Variants in CORO7 observed in about 807,000 individuals in gnomAD.
CORO7 encodes the protein coronin 7.
CORO7 carries 107 observed loss-of-function variants against 126.6 expected under a neutral mutation model. The ratio of observed to expected loss-of-function variants is 0.85; its 90% confidence interval spans 0.72 to 0.99. CORO7 has a LOEUF of 0.99. Ranked by LOEUF, CORO7 falls within the 50% of genes least tolerant of loss-of-function variation. CORO7 has a pLI of 0.00. For missense variants in CORO7, 1,314 were observed against 1,255.8 expected (o/e 1.05, Z -0.70); for synonymous variants, 603 against 536.8 (o/e 1.12, Z -1.70).
At chr16:4,390,484 G>C (rs575883063) in intron 7 of CORO7, among the ~76,000 whole-genome samples, 51 of 152,328 alleles carry the variant, frequency 3.3e-4, no homozygotes, top group Non-Finnish European at 6.9e-4. Context: ...TTCCTGCTAG[G>C]CTGGGAGGGT....
At chr16:4,358,848 T>C (rs977292421) in intron 23 of CORO7, 2 of 281,528 alleles carry the variant, frequency 7.1e-6, no homozygotes, top group African/African-American at 4.4e-5. Context: ...ATAAATTAAT[T>C]AGAAGTGATA....
In CORO7 at chr16:4,395,297, C is replaced by A. The variant is rs909975111; in HGVS notation, c.607G>T (p.Ala203Ser). The A allele has an allele frequency of 9.9e-6, 16 of 1,613,958 alleles. No individual in the cohort carries two copies. The highest frequency in any genetic ancestry group is 1.3e-5 in the Non-Finnish European group (15 of 1,180,020). ...TTGCCCACACAACTCACCTGAGAGG[C>A]CCGCGGCTTTGTTCTGGGGTCAAAG... Reference protein sequence around the residue: ...RIFDPRTKPRASQSTQAHENS... With the variant: ...RIFDPRTKPRSSQSTQAHENS... The change falls in exon 7 of 28, where the codon GCC (alanine) becomes TCC (serine). Residue 203 changes from alanine (A) to serine (S), a missense_variant. Coordinates refer to ENST00000251166, the MANE Select transcript of CORO7 (RefSeq NM_024535.5).
intron 9 of CORO7, among the ~76,000 whole-genome samples, chr16:4,385,121 C>T (rs992673188): frequency 1.3e-5 from 2 of 152,186 alleles, no homozygotes; most frequent in South Asian, 2.1e-4. Flanking sequence ...ACAAGCCCCC[C>T]GACTCTAGGC....
intron 6 of CORO7, among the ~76,000 whole-genome samples, chr16:4,399,157 A>AAT (rs2055709877): frequency 1.3e-5 from 2 of 152,182 alleles, no homozygotes; most frequent in Non-Finnish European, 2.9e-5. Context: ...AAAGAACTGA[A>AAT]AGCAGGCCAT....
intron 9 of CORO7, among the ~76,000 whole-genome samples, chr16:4,376,079 G>A (rs1440196501): frequency 6.6e-6 from 1 of 152,196 alleles, no homozygotes; most frequent in Non-Finnish European, 1.5e-5. Context: ...TCACCAGCCA[G>A]GGGTCCCCGC....
At chr16:4,364,217 C>T (rs2054274308) in intron 14 of CORO7, 59 bp downstream of exon 14, 4 of 1,455,208 alleles carry the variant, frequency 2.7e-6, no homozygotes, top group African/African-American at 1.4e-5. Context: ...AGCCGGTGAA[C>T]ACTCAGGGCA....
intron 9 of CORO7, among the ~76,000 whole-genome samples, chr16:4,367,834 T>C (rs929474718): frequency 2.0e-5 from 3 of 151,784 alleles, no homozygotes; most frequent in African/African-American, 7.3e-5. Flanking sequence ...AGGGGCCTGG[T>C]GCATGTGGGG....
intron 6 of CORO7, among the ~76,000 whole-genome samples, chr16:4,400,462 C>T (rs1407722454): frequency 6.6e-6 from 1 of 152,084 alleles, no homozygotes; most frequent in Non-Finnish European, 1.5e-5. Context: ...GGAGAAACCC[C>T]GTCTCTACTA....
rs962123432 is a variant in CORO7 at position 4,409,771 on chromosome 16, T to C, written c.233-1520A>G. Among the ~76,000 whole-genome samples the C allele has an allele frequency of 6.6e-5, 10 of 152,186 alleles. No homozygotes were observed. The South Asian group carries it at 2.1e-3, about 32-fold the overall frequency. ...GCTCACCCTCTGCTCCCCTGGCTGC[T>C]GGGCGGAAGGGCAAGAGTGGCCCTG... On this transcript the variant is annotated intron_variant, in intron 3 of 27. Transcript: ENST00000251166.
intron 9 of CORO7, among the ~76,000 whole-genome samples, chr16:4,376,296 G>A (rs753556085): frequency 4.3e-4 from 65 of 152,338 alleles, no homozygotes; most frequent in South Asian, 8.3e-4. Context: ...CGTCCTGGCC[G>A]CCGGCACAGT....
At chr16:4,369,034 G>T (rs2141208449) in intron 9 of CORO7, among the ~76,000 whole-genome samples, 1 of 152,346 alleles carries the variant, frequency 6.6e-6, no homozygotes, top group East Asian at 1.9e-4. Context: ...TGAGCCAACT[G>T]CCTGAGGAGG....
chr16:4,364,777 T>G lies in CORO7; in HGVS notation c.1042A>C (p.Lys348Gln), dbSNP rs758062699. ...IVPIGYHVPR[K>Q]AVEFHEDLFP... ...TCCCTCGCCCAAGTCCCCCTCACCTTGCGGGGCACATGGTAGCCGATGGGC... is the reference window on the plus strand; with the variant it reads ...TCCCTCGCCCAAGTCCCCCTCACCTGGCGGGGCACATGGTAGCCGATGGGC... Residue 348 changes from lysine (K) to glutamine (Q), a missense_variant and splice_region_variant, in exon 12 of 28, where the codon AAG becomes CAG. Transcript: ENST00000251166. 2.0e-5 allele frequency: 32 copies of G among 1,610,324 alleles called. No individual in the cohort carries two copies. Among genetic ancestry groups the G allele is most frequent in the Middle Eastern group, 1.7e-4 (1 of 6,042 alleles).
At chr16:4,396,842 C>A (rs1241793783) in intron 6 of CORO7, among the ~76,000 whole-genome samples, 1 of 151,616 alleles carries the variant, frequency 6.6e-6, no homozygotes, top group African/African-American at 2.4e-5. Flanking sequence ...ATGGTGAAAC[C>A]CCGTTTCTAC....
chr16:4,403,034 G>A (rs1019009008), intron 6 of CORO7, among the ~76,000 whole-genome samples: 4 of 152,080 alleles, frequency 2.6e-5, no homozygotes, highest in African/African-American at 9.7e-5. Context: ...GGGGGTGGGG[G>A]CACACTCTGG....
intron 9 of CORO7, chr16:4,382,656 G>C (rs1474296390): frequency 6.4e-7 from 1 of 1,553,274 alleles, no homozygotes; most frequent in South Asian, 1.2e-5. Context: ...TGGCTGCGGT[G>C]GGGGCAGCCT....
chr16:4,389,288 G>C (rs1403845101), intron 7 of CORO7, among the ~76,000 whole-genome samples: 1 of 152,168 alleles, frequency 6.6e-6, no homozygotes, highest in Non-Finnish European at 1.5e-5. Flanking sequence ...TGGGAGGAGA[G>C]GGAAGCTCAC....
At chr16:4,394,401 A>G (rs2055506348) in intron 7 of CORO7, among the ~76,000 whole-genome samples, 1 of 151,470 alleles carries the variant, frequency 6.6e-6, no homozygotes, top group Non-Finnish European at 1.5e-5. Context: ...GTGAGCCGAG[A>G]TCACAACGCT....
intron 3 of CORO7, among the ~76,000 whole-genome samples, chr16:4,411,595 T>A (rs987255483): frequency 2.0e-5 from 3 of 152,152 alleles, no homozygotes; most frequent in Admixed American, 6.6e-5. Flanking sequence ...CTAACGTACT[T>A]AGTACAGAGA....
intron 17 of CORO7, 36 bp from the exon 18 acceptor site, chr16:4,361,284 C>A: frequency 6.2e-7 from 1 of 1,611,524 alleles, no homozygotes; most frequent in Admixed American, 1.7e-5. Context: ...CATTGCTGAG[C>A]CCAAGACCTC....
Sources: allele counts gnomAD v4.1 joint callset (sites outside exome capture counted in the v4.1 genomes callset), GRCh38; gene constraint gnomAD v4.1.1; transcripts MANE v1.5; gene names NCBI Gene and HGNC (gene_info 2026-07-23, HGNC 2026-07-21).